Variants in ITFG1 observed in about 807,000 individuals in gnomAD.
ITFG1 encodes the protein T-cell immunomodulatory protein.
In ITFG1, 34 loss-of-function variants were observed where a neutral mutation model predicts 81.8. The observed-to-expected ratio is 0.42, with a 90% CI of 0.32 to 0.55. The LOEUF (loss-of-function observed/expected upper bound fraction) is 0.55. Ranked by LOEUF, ITFG1 falls within the 20% of genes least tolerant of loss-of-function variation. The pLI, the probability that ITFG1 is intolerant of heterozygous loss-of-function variation, is 0.17. For synonymous variants in ITFG1, 285 were observed against 270.6 expected, an observed-to-expected ratio of 1.05 and a Z score of -0.52; for missense variants, 672 against 755.4, an observed-to-expected ratio of 0.89 and a Z score of 1.29.
intron 14 of ITFG1, among the ~76,000 whole-genome samples, chr16:47,192,567 T>C (rs1965305051): frequency 6.6e-6 from 1 of 152,196 alleles, no homozygotes; most frequent in African/African-American, 2.4e-5. Flanking sequence ...AATGGTCCTT[T>C]AACTGTTAGT....
chr16:47,350,279 G>C (rs1489965775), intron 8 of ITFG1, among the ~76,000 whole-genome samples: 2 of 152,116 alleles, frequency 1.3e-5, no homozygotes, highest in African/African-American at 2.4e-5. Flanking sequence ...CCAGGAGCTA[G>C]TTTTTTGAAA....
At chr16:47,345,107 G>T (rs1313282210) in intron 8 of ITFG1, among the ~76,000 whole-genome samples, 1 of 152,054 alleles carries the variant, frequency 6.6e-6, no homozygotes, top group Non-Finnish European at 1.5e-5. Context: ...GTTTAGCAAG[G>T]GTTAAAACAG....
At chr16:47,336,339 T>C (rs149464604) in intron 8 of ITFG1, among the ~76,000 whole-genome samples, 18 of 152,224 alleles carry the variant, frequency 1.2e-4, no homozygotes, top group African/African-American at 3.9e-4. Context: ...GGTAGGAAAA[T>C]TTGACAGCAT....
At chr16:47,158,021 A>G (rs1964742132) in intron 17 of ITFG1, among the ~76,000 whole-genome samples, 1 of 152,206 alleles carries the variant, frequency 6.6e-6, no homozygotes, top group Non-Finnish European at 1.5e-5. Flanking sequence ...TTCAATTATT[A>G]TTTAGAGTAT....
chr16:47,196,938 A>G (rs1965365339), intron 14 of ITFG1, among the ~76,000 whole-genome samples: 1 of 152,168 alleles, frequency 6.6e-6, no homozygotes, highest in African/African-American at 2.4e-5. Flanking sequence ...TCAAAAAAAC[A>G]AAACAAAACA....
At chr16:47,427,568 G>C (rs1969039052) in intron 6 of ITFG1, among the ~76,000 whole-genome samples, 1 of 152,170 alleles carries the variant, frequency 6.6e-6, no homozygotes, top group Non-Finnish European at 1.5e-5. Flanking sequence ...GGAGGTTGCA[G>C]TGGGCAGAGA....
chr16:47,280,005 GT>G (rs1316529015), intron 10 of ITFG1, among the ~76,000 whole-genome samples: 2 of 151,710 alleles, frequency 1.3e-5, no homozygotes, highest in South Asian at 4.2e-4. Flanking sequence ...GTTACATGAG[GT>G]TTTTTTTCCC....
chr16:47,447,186 T>C (rs1969335040), intron 5 of ITFG1, among the ~76,000 whole-genome samples: 1 of 152,110 alleles, frequency 6.6e-6, no homozygotes, highest in Non-Finnish European at 1.5e-5. Context: ...TTTTAATACA[T>C]ACACAGGTAT....
At chr16:47,320,498 A>G (rs1239389536) in intron 8 of ITFG1, among the ~76,000 whole-genome samples, 1 of 152,208 alleles carries the variant, frequency 6.6e-6, no homozygotes, top group Non-Finnish European at 1.5e-5. Context: ...GTTGTACTGC[A>G]CTTTTTACAG....
chr16:47,334,057 C>A (rs942275261), intron 8 of ITFG1, among the ~76,000 whole-genome samples: 1 of 152,138 alleles, frequency 6.6e-6, no homozygotes, highest in Non-Finnish European at 1.5e-5. Context: ...TGTGAAAAGG[C>A]TTTTAATCAT....
chr16:47,170,104 T>G (rs890418894), intron 14 of ITFG1, among the ~76,000 whole-genome samples: 2 of 152,224 alleles, frequency 1.3e-5, no homozygotes, highest in African/African-American at 4.8e-5. Flanking sequence ...TGTTGAAGAT[T>G]TTTGTATCAA....
At position 47,374,215 on chromosome 16, in the gene ITFG1, C is replaced by A. The variant is rs1179834110; in HGVS notation, c.720+1661G>T. Among the ~76,000 whole-genome samples the A allele has an allele frequency of 2.6e-5, 4 of 152,154 alleles. No homozygotes were observed. The East Asian group carries it at 7.7e-4, about 29-fold the overall frequency. ...GCACTCTTGAAGAAAATCTGCCTTA[C>A]CATCTTTAACAAGAGTTTAAAAATA... On this transcript the variant is annotated intron_variant, in intron 7 of 17. Coordinates refer to ENST00000320640, the MANE Select transcript of ITFG1 (RefSeq NM_030790.5).
At chr16:47,443,099 AC>A (rs1436142762) in intron 5 of ITFG1, among the ~76,000 whole-genome samples, 77 of 152,350 alleles carry the variant, frequency 5.1e-4, no homozygotes, top group African/African-American at 1.7e-3. Context: ...GCATGAACAG[AC>A]ACTTCTCAAA....
rs779629724 is a variant in ITFG1 at position 47,313,684 on chromosome 16, A to G, written c.897+45T>C. On this transcript the variant is annotated intron_variant, in intron 9 of 17. Coordinates refer to ENST00000320640, the MANE Select transcript of ITFG1 (RefSeq NM_030790.5). ...TTCTAACCTTAGAAGATTTTTTTCCAAGCACATAAAAAAAAATGTTTACAT... is the reference window on the plus strand; with the variant it reads ...TTCTAACCTTAGAAGATTTTTTTCCGAGCACATAAAAAAAAATGTTTACAT... 3.1e-5 allele frequency: 33 copies of G among 1,066,320 alleles called. 1 individual carries two copies. In the East Asian group the frequency reaches 8.0e-4, roughly 26 times the overall value. The allele number at this position is 1,066,320 out of a possible 1,614,324, so 66.1% of individuals were successfully genotyped here. A position where few individuals can be genotyped will look rare whatever the true frequency, so the allele number is the denominator to read the frequency against.
intron 10 of ITFG1, among the ~76,000 whole-genome samples, chr16:47,284,020 A>G (rs939022464): frequency 1.3e-5 from 2 of 152,232 alleles, no homozygotes; most frequent in African/African-American, 4.8e-5. Flanking sequence ...TAATGATTCA[A>G]TTTTAGTCAA....
At chr16:47,335,332 T>C (rs1967689055) in intron 8 of ITFG1, among the ~76,000 whole-genome samples, 1 of 151,962 alleles carries the variant, frequency 6.6e-6, no homozygotes, top group Non-Finnish European at 1.5e-5. Context: ...CACTCCAGCC[T>C]GGGTTGCAAG....
intron 12 of ITFG1, among the ~76,000 whole-genome samples, chr16:47,244,731 G>C (rs2151536462): frequency 6.7e-6 from 1 of 150,158 alleles, no homozygotes; most frequent in Admixed American, 6.7e-5. Context: ...CCCCAATGTG[G>C]CTGTTCTTGG....
chr16:47,345,156 T>C (rs547707797), intron 8 of ITFG1, among the ~76,000 whole-genome samples: 1 of 152,324 alleles, frequency 6.6e-6, no homozygotes, highest in South Asian at 2.1e-4. Flanking sequence ...GCAAGTCATC[T>C]AACTCAGAGG....
chr16:47,384,463 G>C (rs1342076805), intron 6 of ITFG1, among the ~76,000 whole-genome samples: 1 of 152,016 alleles, frequency 6.6e-6, no homozygotes. Flanking sequence ...CACCAGAGAG[G>C]CATTTTCTGC....
Sources: gnomAD v4.1 joint callset for allele counts (sites outside exome capture counted in the v4.1 genomes callset) on GRCh38, gnomAD v4.1.1 for gene constraint, MANE v1.5 for transcripts, NCBI Gene and HGNC (gene_info 2026-07-23, HGNC 2026-07-21) for gene names.